The following RMP64 variants were observed in gnomAD, a reference collection of about 807,000 sequenced individuals.
RMP64 encodes nucleolus and neural progenitor protein.
At chr3:113,016,686 A>T in the RMP64 span, among the ~76,000 whole-genome samples, 5 of 152,190 alleles carry the variant, frequency 3.3e-5, no homozygotes, top group African/African-American at 1.2e-4. Context: ...CTAACCAGAA[A>T]GCATGCATCT....
chr3:113,011,287 GAAGGA>G, the RMP64 span: 1 of 1,613,632 alleles, frequency 6.2e-7, no homozygotes. Flanking sequence ...AGTGATATCA[GAAGGA>G]AAGGTAAAAT....
chr3:113,012,631 C>T, the RMP64 span: 2 of 701,662 alleles, frequency 2.9e-6, no homozygotes, highest in Admixed American at 2.4e-5. Flanking sequence ...ATACCTGCAC[C>T]TTCCATAACC....
chr3:113,010,435 A>G, the RMP64 span: 1 of 525,232 alleles, frequency 1.9e-6, no homozygotes, highest in East Asian at 3.2e-5. Context: ...CTACTAAAAT[A>G]TTTCTGAAGG....
At chr3:113,016,662 C>G in the RMP64 span, among the ~76,000 whole-genome samples, 1 of 152,160 alleles carries the variant, frequency 6.6e-6, no homozygotes, top group Non-Finnish European at 1.5e-5. Flanking sequence ...GCTTTAAGTA[C>G]TAGGGGTAGA....
At chr3:113,016,402 G>GTT in the RMP64 span, among the ~76,000 whole-genome samples, 1 of 149,682 alleles carries the variant, frequency 6.7e-6, no homozygotes, top group Non-Finnish European at 1.5e-5. Context: ...TGCAGAGGAA[G>GTT]TTTTGTCTTA....
At chr3:113,019,666 C>A in the RMP64 span, 8 of 1,604,626 alleles carry the variant, frequency 5.0e-6, no homozygotes, top group Non-Finnish European at 6.8e-6. Flanking sequence ...GGGGGACTTA[C>A]GAAAGGCGGA....
chr3:113,013,906 G>A, the RMP64 span: 1 of 1,250,130 alleles, frequency 8.0e-7, no homozygotes, highest in South Asian at 1.2e-5. Flanking sequence ...ACAAGACATT[G>A]AGTTCCCAGC....
the RMP64 span, chr3:113,005,719 C>G: frequency 6.2e-7 from 1 of 1,614,018 alleles, no homozygotes; most frequent in South Asian, 1.1e-5. Context: ...CTCCACTATT[C>G]AAGAGCTGCT....
chr3:113,002,549 A>G, the RMP64 span: 1 of 152,300 alleles, frequency 6.6e-6, no homozygotes, highest in Non-Finnish European at 1.5e-5. Flanking sequence ...CCATAGAGAA[A>G]AGGGGGTACA....
the RMP64 span, among the ~76,000 whole-genome samples, chr3:113,016,476 C>T: frequency 6.6e-5 from 10 of 151,938 alleles, no homozygotes; most frequent in Admixed American, 2.6e-4. Context: ...ATTTTGATGA[C>T]GGGGTGATTA....
At chr3:113,013,032 A>C in the RMP64 span, 60 of 616,988 alleles carry the variant, frequency 9.7e-5, no homozygotes, top group Non-Finnish European at 1.6e-4. Context: ...TTAGTTTCTA[A>C]GATTAAGAAT....
At chr3:113,003,793 C>G in the RMP64 span, 3 of 152,138 alleles carry the variant, frequency 2.0e-5, no homozygotes, top group African/African-American at 7.2e-5. Context: ...AAACCTAAGC[C>G]TGAGGAAACT....
At chr3:113,017,846 G>C in the RMP64 span, among the ~76,000 whole-genome samples, 1,211 of 152,314 alleles carry the variant, frequency 8.0e-3, 15 homozygotes, top group South Asian at 0.028. Context: ...CTGTATCTTT[G>C]CATTGCATTT....
the RMP64 span, chr3:113,008,070 C>A: frequency 2.9e-6 from 3 of 1,050,912 alleles, no homozygotes; most frequent in Non-Finnish European, 4.3e-6. Flanking sequence ...AGCCCCGCTG[C>A]GGCTGCTGGA....
At chr3:113,002,617 T>TACA in the RMP64 span, 1 of 152,352 alleles carries the variant, frequency 6.6e-6, no homozygotes, top group African/African-American at 2.4e-5. Context: ...GAATGCTGTT[T>TACA]ACAACTTAGC....
chr3:113,011,041 T>C, the RMP64 span: 1 of 1,574,412 alleles, frequency 6.4e-7, no homozygotes, highest in South Asian at 1.2e-5. Flanking sequence ...TCAAAGCAAA[T>C]TACCTTTGAA....
At chr3:113,013,252 T>A in the RMP64 span, 5 of 1,608,432 alleles carry the variant, frequency 3.1e-6, no homozygotes, top group African/African-American at 5.5e-5. Flanking sequence ...GAAGGTATAT[T>A]TCAAGATATT....
the RMP64 span, chr3:113,010,686 T>C: frequency 6.2e-7 from 1 of 1,613,488 alleles, no homozygotes; most frequent in Admixed American, 1.7e-5. Context: ...AGCCCTCACA[T>C]CAAATTCTGA....
the RMP64 span, among the ~76,000 whole-genome samples, chr3:113,010,246 T>C: frequency 6.6e-6 from 1 of 152,140 alleles, no homozygotes; most frequent in Non-Finnish European, 1.5e-5. Context: ...ATGAGGCACA[T>C]ATTACTATTA....
Sources: gnomAD v4.1 joint callset for allele counts (sites outside exome capture counted in the v4.1 genomes callset) on GRCh38, gnomAD v4.1.1 for gene constraint, MANE v1.5 for transcripts, NCBI Gene and HGNC (gene_info 2026-07-23, HGNC 2026-07-21) for gene names.